The following RNF111 variants were observed in gnomAD, a reference collection of about 807,000 sequenced individuals.
The protein encoded by RNF111 is E3 ubiquitin-protein ligase Arkadia.
Under a neutral mutation model 95.1 loss-of-function variants are expected in RNF111, and 17 were observed. The observed-to-expected ratio is 0.18, with a 90% confidence interval of 0.12 to 0.27. The LOEUF (loss-of-function observed/expected upper bound fraction) is 0.27, where lower values mean the gene tolerates loss of function less well. RNF111 is among the 10% of genes least tolerant of loss of function. The pLI, the probability that RNF111 is intolerant of heterozygous loss-of-function variation, is 1.00. For missense variants in RNF111, 1,189 were observed against 1,210.4 expected (o/e 0.98, Z 0.26); for synonymous variants, 440 against 414.8 (o/e 1.06, Z -0.74).
At chr15:59,088,046 C>T (rs1211720037) in intron 10 of RNF111, among the ~76,000 whole-genome samples, 1 of 151,952 alleles carries the variant, frequency 6.6e-6, no homozygotes, top group Admixed American at 6.6e-5. Context: ...TGAAGGAAAC[C>T]CCTATTTGGT....
intron 12 of RNF111, among the ~76,000 whole-genome samples, chr15:59,091,423 G>A (rs1210805946): frequency 6.6e-6 from 1 of 151,920 alleles, no homozygotes; most frequent in Non-Finnish European, 1.5e-5. Flanking sequence ...ATGTGCATAT[G>A]TATATATATT....
intron 3 of RNF111, among the ~76,000 whole-genome samples, chr15:59,052,995 A>G (rs1322729127): frequency 5.9e-5 from 9 of 152,174 alleles, no homozygotes; most frequent in Admixed American, 4.6e-4. Flanking sequence ...ATGGTACCAA[A>G]TTAAAAATGA....
At chr15:59,001,134 G>C (rs140836718) in intron 1 of RNF111, among the ~76,000 whole-genome samples, 1 of 152,160 alleles carries the variant, frequency 6.6e-6, no homozygotes, top group Non-Finnish European at 1.5e-5. Context: ...GTGGTTATCT[G>C]GGGGAAGAGC....
At chr15:59,010,196 A>G (rs1458470705) in intron 1 of RNF111, among the ~76,000 whole-genome samples, 1 of 152,136 alleles carries the variant, frequency 6.6e-6, no homozygotes, top group Non-Finnish European at 1.5e-5. Context: ...TTTTTAGACA[A>G]GTTTTGGGAT....
chr15:59,038,925 T>C (rs1466669221), intron 2 of RNF111, among the ~76,000 whole-genome samples: 1 of 152,182 alleles, frequency 6.6e-6, no homozygotes, highest in Non-Finnish European at 1.5e-5. Context: ...TTAGCAGTTA[T>C]TAATGGTCTT....
intron 1 of RNF111, among the ~76,000 whole-genome samples, chr15:59,006,338 C>G (rs1398043575): frequency 6.6e-6 from 1 of 152,128 alleles, no homozygotes; most frequent in Non-Finnish European, 1.5e-5. Flanking sequence ...CTAGAAAGTT[C>G]CTTTGTGCTC....
intron 1 of RNF111, among the ~76,000 whole-genome samples, chr15:59,017,753 CTTTTT>C (rs200975904): frequency 4.2e-4 from 51 of 120,964 alleles, no homozygotes; most frequent in Middle Eastern, 4.5e-3. Flanking sequence ...TTGTTGAACT[CTTTTT>C]TTTTTTTTTT....
In RNF111 at chr15:59,080,924, T is replaced by A; in HGVS notation, c.1949-12T>A. On this transcript the variant is annotated splice_polypyrimidine_tract_variant and intron_variant, in intron 7 of 13. Transcript: ENST00000348370. ...GTGCCTATGTAACATACTCAAAATA[T>A]TTTTCTTGCAGATGCCTCTTTGACA... 1 of 1,596,512 alleles carries A rather than the reference T, an allele frequency of 6.3e-7. No individual in the cohort carries two copies. Among genetic ancestry groups the A allele is most frequent in the South Asian group, 1.1e-5 (1 of 88,048 alleles).
At chr15:59,052,223 C>T (rs2042019019) in intron 2 of RNF111, 82 bp from the exon 3 acceptor site, 3 of 1,257,618 alleles carry the variant, frequency 2.4e-6, no homozygotes, top group South Asian at 2.1e-5. Context: ...ATTTCATGGT[C>T]TTCAAAGTCA....
rs144464225 is a variant in RNF111 at position 59,096,735 on chromosome 15, A to C, written c.*1835A>C. ...GTCAGTGACCTATGTCTGCCATCTTACTGGGGAAAAGAGCAAGTAGCCTGT... is the reference window on the plus strand; with the variant it reads ...GTCAGTGACCTATGTCTGCCATCTTCCTGGGGAAAAGAGCAAGTAGCCTGT... On this transcript the variant is annotated 3_prime_UTR_variant, in exon 14 of 14. Transcript: ENST00000348370. The C allele has an allele frequency of 1.8e-3, 277 of 152,372 alleles. No individual in the cohort carries two copies. Among genetic ancestry groups the C allele is most frequent in the African/African-American group, 6.5e-3 (271 of 41,584 alleles). The allele number at this position is 152,372 out of a possible 1,614,324, so 9.4% of individuals were successfully genotyped here. A position where few individuals can be genotyped will look rare whatever the true frequency, so the allele number is the denominator to read the frequency against.
At chr15:59,072,808 A>G (rs2042995987) in intron 6 of RNF111, among the ~76,000 whole-genome samples, 1 of 150,600 alleles carries the variant, frequency 6.6e-6, no homozygotes, top group African/African-American at 2.4e-5. Flanking sequence ...ATCTCAAGAA[A>G]CCACTTTTGC....
intron 5 of RNF111, among the ~76,000 whole-genome samples, chr15:59,062,801 C>T (rs1179247348): frequency 1.3e-5 from 2 of 152,162 alleles, no homozygotes. Context: ...CTACTTTTCC[C>T]CTTTATGCCA....
At chr15:59,082,335 G>A (rs1449554974) in intron 8 of RNF111, among the ~76,000 whole-genome samples, 2 of 152,062 alleles carry the variant, frequency 1.3e-5, no homozygotes, top group Admixed American at 1.3e-4. Flanking sequence ...CTGCAATATC[G>A]TGTGGTAAAA....
intron 1 of RNF111, among the ~76,000 whole-genome samples, chr15:59,029,161 G>A (rs193248409): frequency 2.6e-5 from 4 of 151,984 alleles, no homozygotes; most frequent in Non-Finnish European, 4.4e-5. Context: ...AATATATGAG[G>A]GTTCCAATGT....
intron 2 of RNF111, among the ~76,000 whole-genome samples, chr15:59,051,280 C>A (rs1245740924): frequency 6.6e-5 from 10 of 150,856 alleles, no homozygotes; most frequent in Non-Finnish European, 1.3e-4. Context: ...AGTGAAACCC[C>A]GTCTCTACTA....
In RNF111 at chr15:59,081,032, A is replaced by C. The variant is rs2078726117; in HGVS notation, c.2045A>C (p.Asp682Ala). ...CAGACTCAGCCTCCGCCTCAAGTGG[A>C]TTATGTTATTCCTCATCCTGTACAT... ...PPQTQPPPQV[D>A]YVIPHPVHAF... The change falls in exon 8 of 14, where the codon GAT becomes GCT. Residue 682 changes from aspartate to alanine, a missense_variant. Coordinates refer to ENST00000348370, the MANE Select transcript of RNF111 (RefSeq NM_017610.8). The C allele has an allele frequency of 6.2e-7, 1 of 1,614,056 alleles. No individual in the cohort carries two copies. Among genetic ancestry groups the C allele is most frequent in the Middle Eastern group, 1.6e-4 (1 of 6,062 alleles).
At chr15:59,032,007 C>CG (rs1374880437) in intron 2 of RNF111, among the ~76,000 whole-genome samples, 1 of 151,974 alleles carries the variant, frequency 6.6e-6, no homozygotes, top group African/African-American at 2.4e-5. Flanking sequence ...GGCGCAATCT[C>CG]GGCTCACTGC....
chr15:59,056,309 G>A (rs945801165), intron 4 of RNF111, among the ~76,000 whole-genome samples: 1 of 151,894 alleles, frequency 6.6e-6, no homozygotes, highest in African/African-American at 2.4e-5. Flanking sequence ...CTCATTTTTT[G>A]TATTTTATTT....
intron 1 of RNF111, among the ~76,000 whole-genome samples, chr15:59,003,401 G>A (rs1242152655): frequency 1.3e-5 from 2 of 151,384 alleles, no homozygotes; most frequent in South Asian, 2.1e-4. Flanking sequence ...CGCCACACCC[G>A]GCCTTTTTCT....
Sources: gnomAD v4.1 joint callset for allele counts (sites outside exome capture counted in the v4.1 genomes callset) on GRCh38, gnomAD v4.1.1 for gene constraint, MANE v1.5 for transcripts, NCBI Gene and HGNC (gene_info 2026-07-23, HGNC 2026-07-21) for gene names.